The following KCNJ15 variants were observed in gnomAD, a reference collection of about 807,000 sequenced individuals.
The protein encoded by KCNJ15 is ATP-sensitive inward rectifier potassium channel 15.
KCNJ15 carries 14 observed loss-of-function variants against 23.0 expected under a neutral mutation model. That is an observed-to-expected ratio of 0.61 (90% CI 0.40 to 0.95). The LOEUF is 0.95. Ranked by LOEUF, KCNJ15 falls within the 40% of genes least tolerant of loss-of-function variation. The pLI, the probability that KCNJ15 is intolerant of heterozygous loss-of-function variation, is 0.00. For missense variants in KCNJ15, 388 were observed against 461.8 expected (o/e 0.84, Z 1.46); for synonymous variants, 185 against 183.2 (o/e 1.01, Z -0.08).
At chr21:38,232,284 G>A (rs62223526) in intron 1 of KCNJ15, among the ~76,000 whole-genome samples, 2,764 of 151,688 alleles carry the variant, frequency 0.018, 36 homozygotes, top group Middle Eastern at 0.058. Context: ...TGTAAGGTTA[G>A]TAATAATATT....
At position 38,294,351 on chromosome 21, in the gene KCNJ15, A is replaced by G. The variant is rs532008190; in HGVS notation, c.-116-2575A>G. Among the ~76,000 whole-genome samples, 35 of 152,304 alleles carry G rather than the reference A, an allele frequency of 2.3e-4. No homozygotes were observed. The South Asian group carries it at 7.3e-3, about 32-fold the overall frequency. ...AAGTTAATTTTAGTCTAGAAATCCAAAGTTACTATTTGATTTAGATTTCAC... is the reference window on the plus strand; with the variant it reads ...AAGTTAATTTTAGTCTAGAAATCCAGAGTTACTATTTGATTTAGATTTCAC... On this transcript the variant is annotated intron_variant, in intron 1 of 2. Coordinates refer to ENST00000398938, the MANE Select transcript of KCNJ15 (RefSeq NM_170736.3).
chr21:38,288,026 C>CTTTTTTTTTTTTTTTT (rs1171718120), intron 1 of KCNJ15, among the ~76,000 whole-genome samples: 2,020 of 78,100 alleles, frequency 0.026, 776 homozygotes, highest in East Asian at 0.035. Context: ...TTGTTTTTTT[C>CTTTTTTTTTTTTTTTT]TTTGTTTTTT....
intron 1 of KCNJ15, among the ~76,000 whole-genome samples, chr21:38,286,130 C>G (rs1430353535): frequency 1.3e-5 from 2 of 152,136 alleles, no homozygotes; most frequent in African/African-American, 4.8e-5. Flanking sequence ...GTAGTCCCAG[C>G]TACTTGGGAG....
chr21:38,231,729 T>G (rs191258726), intron 1 of KCNJ15, among the ~76,000 whole-genome samples: 50 of 152,080 alleles, frequency 3.3e-4, no homozygotes, highest in African/African-American at 1.1e-3. Context: ...CCACGTGTTT[T>G]TTTGTTCTTC....
chr21:38,286,175 G>T (rs1051889070), intron 1 of KCNJ15, among the ~76,000 whole-genome samples: 5 of 152,236 alleles, frequency 3.3e-5, no homozygotes, highest in African/African-American at 1.2e-4. Flanking sequence ...CCTGGGAGGC[G>T]GAGCTTGTAG....
At chr21:38,244,885 CTCTTTTCTTTCTAA>C (rs1979255214) in intron 1 of KCNJ15, among the ~76,000 whole-genome samples, 1 of 152,090 alleles carries the variant, frequency 6.6e-6, no homozygotes, top group African/African-American at 2.4e-5. Flanking sequence ...TACTCTGAAT[CTCTTTTCTTTCTAA>C]TAAGATGTAA....
At chr21:38,242,611 C>T (rs1979086539) in intron 1 of KCNJ15, among the ~76,000 whole-genome samples, 1 of 152,148 alleles carries the variant, frequency 6.6e-6, no homozygotes, top group African/African-American at 2.4e-5. Context: ...CCCTTGCCCT[C>T]GTGCCTCTCC....
rs143032519 is a variant in KCNJ15, at chr21:38,290,870, T to TA, written c.-116-6055dup. On this transcript the variant is annotated intron_variant, in intron 1 of 2. Coordinates refer to ENST00000398938, the MANE Select transcript of KCNJ15 (RefSeq NM_170736.3). ...AGCTTGTTTCCAGCTCTAACCTTGT[T>TA]ACTGGCTCAGTAACCTTGAACAAGT... Among the ~76,000 whole-genome samples the TA allele has an allele frequency of 1.4e-3, 207 of 152,246 alleles. 1 individual carries two copies. Among genetic ancestry groups the TA allele is most frequent in the African/African-American group, 4.8e-3 (198 of 41,538 alleles).
chr21:38,259,659 A>C (rs1168788969), intron 1 of KCNJ15, among the ~76,000 whole-genome samples: 1 of 152,200 alleles, frequency 6.6e-6, no homozygotes. Flanking sequence ...GTTATTGTCT[A>C]CCTTCTCTCT....
rs554627007 is a variant in KCNJ15, at chr21:38,306,832, C to T, written c.*6443C>T. 6.6e-6 allele frequency: 1 copy of T among 152,272 alleles called. No individual in the cohort carries two copies. Among genetic ancestry groups the T allele is most frequent in the African/African-American group, 2.4e-5 (1 of 41,540 alleles). 9.4% of individuals were successfully genotyped at this position (152,272 alleles called of 1,614,324 possible). A position where few individuals can be genotyped will look rare whatever the true frequency, so the allele number is the denominator to read the frequency against. The stretch of plus-strand genomic sequence containing the variant: ...ATCTCCATTCCAGAAGGACGGACTC[C>T]AAAATGCTACTTAATGAAATTCATG... On this transcript the variant is annotated 3_prime_UTR_variant, in exon 3 of 3. Transcript: ENST00000398938.
chr21:38,247,522 G>GTGGATGGA (rs10579917), intron 1 of KCNJ15, among the ~76,000 whole-genome samples: 9 of 137,430 alleles, frequency 6.5e-5, no homozygotes, highest in African/African-American at 1.6e-4. Context: ...AGATGCATAG[G>GTGGATGGA]TGGATGGATG....
chr21:38,239,286 T>G (rs1165808285), intron 1 of KCNJ15, among the ~76,000 whole-genome samples: 1 of 152,212 alleles, frequency 6.6e-6, no homozygotes, highest in Non-Finnish European at 1.5e-5. Flanking sequence ...TCCCACAGGT[T>G]GCTGTTTGAC....
chr21:38,257,670 A>G (rs1980405411), intron 1 of KCNJ15, among the ~76,000 whole-genome samples: 2 of 152,236 alleles, frequency 1.3e-5, no homozygotes, highest in Non-Finnish European at 2.9e-5. Flanking sequence ...GAGAAAAGTT[A>G]TGTAAGTTTT....
chr21:38,242,089 C>T (rs752382348), intron 1 of KCNJ15, among the ~76,000 whole-genome samples: 2 of 151,432 alleles, frequency 1.3e-5, no homozygotes, highest in Non-Finnish European at 2.9e-5. Context: ...TTATTCTTAA[C>T]AGGCTGATGA....
intron 1 of KCNJ15, among the ~76,000 whole-genome samples, chr21:38,283,585 C>A (rs542062131): frequency 6.6e-6 from 1 of 152,256 alleles, no homozygotes; most frequent in Admixed American, 6.5e-5. Context: ...GTTTTAATAT[C>A]ATAATAAATA....
intron 1 of KCNJ15, among the ~76,000 whole-genome samples, chr21:38,288,035 T>TTTTTTTTTTC (rs1984143380): frequency 1.4e-5 from 1 of 74,026 alleles, no homozygotes; most frequent in African/African-American, 4.9e-5. Context: ...TCTTTGTTTT[T>TTTTTTTTTTC]TTTTTTTTTT....
chr21:38,299,826 C>G lies in KCNJ15; in HGVS notation c.565C>G (p.Gln189Glu). Residue 189 changes from glutamine (Q) to glutamate (E), a missense_variant, in exon 3 of 3, where the codon CAG becomes GAG. Coordinates refer to ENST00000398938, the MANE Select transcript of KCNJ15 (RefSeq NM_170736.3). This position sits in a 1 kb window ranked among gnomAD's most constrained non-coding sequence, Gnocchi z 4.5. ...KFSHCAVITK[Q>E]NGKLCLVIQV... Reference sequence around the variant, plus strand: ...CAGCCACTGTGCAGTCATCACCAAGCAGAATGGGAAGCTGTGCTTGGTGAT... The same window carrying G: ...CAGCCACTGTGCAGTCATCACCAAGGAGAATGGGAAGCTGTGCTTGGTGAT... 1 of 1,614,048 alleles carries G rather than the reference C, an allele frequency of 6.2e-7. No homozygotes were observed. The highest frequency in any genetic ancestry group is 8.5e-7 in the Non-Finnish European group (1 of 1,180,016).
rs1468283965 is a variant in KCNJ15, at chr21:38,288,028, TTG to T, written c.-116-8896_-116-8895del. Among the ~76,000 whole-genome samples the T allele has an allele frequency of 2.3e-3, 184 of 79,380 alleles. 60 individuals are homozygous for T. Among genetic ancestry groups the T allele is most frequent in the South Asian group, 6.2e-3 (11 of 1,764 alleles). 52.1% of individuals were successfully genotyped at this position (79,380 alleles called of 152,430 possible). On this transcript the variant is annotated intron_variant, in intron 1 of 2. Coordinates refer to ENST00000398938, the MANE Select transcript of KCNJ15 (RefSeq NM_170736.3). ...ATTGTTAAATAACTTGTTTTTTTCT[TTG>T]TTTTTTTTTTTTTTTTTTTTTTTTT... is the stretch of plus-strand genomic sequence containing the variant.
Position 38,231,625 on chromosome 21 carries a change from GT to G in KCNJ15, c.-398-25417del, listed in dbSNP as rs570966199. Among the ~76,000 whole-genome samples, 5 of 149,350 alleles carry G rather than the reference GT, an allele frequency of 3.3e-5. No homozygotes were observed. In the South Asian group the frequency reaches 1.1e-3, roughly 32 times the overall value. On this transcript the variant is annotated intron_variant, in intron 1 of 4. Coordinates refer to the KCNJ15 transcript ENST00000547341. ...AGATACCCTTCATCAAGCTGAAGAAGTTTTCCTCTATTCCTAGTTTATTGAA... is the reference window on the plus strand; with the variant it reads ...AGATACCCTTCATCAAGCTGAAGAAGTTTCCTCTATTCCTAGTTTATTGAA...
Sources: allele counts gnomAD v4.1 joint callset (sites outside exome capture counted in the v4.1 genomes callset), GRCh38; gene constraint gnomAD v4.1.1; non-coding constraint Gnocchi (gnomAD v3.1); transcripts MANE v1.5; gene names NCBI Gene and HGNC (gene_info 2026-07-23, HGNC 2026-07-21).